FMN2: variants seen among roughly 807,000 people sequenced by gnomAD.
FMN2 encodes the protein formin 2, also known as formin-2.
FMN2 carries 51 observed loss-of-function variants against 142.3 expected under a neutral mutation model. The ratio of observed to expected loss-of-function variants is 0.36; its 90% CI spans 0.29 to 0.45. The LOEUF (loss-of-function observed/expected upper bound fraction) is 0.45, where lower values mean the gene tolerates loss of function less well. Among genes scored for constraint, FMN2 ranks in the 20% least tolerant of loss-of-function variants. FMN2 has a pLI of 1.00. For synonymous variants in FMN2, 882 were observed against 869.8 expected (o/e 1.01, Z -0.25); for missense variants, 1,936 against 2,122.8 (o/e 0.91, Z 1.73).
chr1:240,382,689 T>C (rs1673272342), intron 14 of FMN2, among the ~76,000 whole-genome samples: 1 of 151,946 alleles, frequency 6.6e-6, no homozygotes. Context: ...ACCATACTGT[T>C]CAAAGCAATC....
At chr1:240,183,771 A>G (rs771971781) in intron 3 of FMN2, among the ~76,000 whole-genome samples, 19 of 152,098 alleles carry the variant, frequency 1.2e-4, no homozygotes, top group Non-Finnish European at 2.1e-4. Flanking sequence ...AAGACATGGT[A>G]TATCAGAATT....
chr1:240,466,776 C>T (rs1363640480), intron 16 of FMN2, among the ~76,000 whole-genome samples: 3 of 152,080 alleles, frequency 2.0e-5, no homozygotes, highest in African/African-American at 4.8e-5. Context: ...AATGTGGAGC[C>T]GCGATTCCCT....
At chr1:240,134,440 A>G (rs1237091406) in intron 2 of FMN2, among the ~76,000 whole-genome samples, 1 of 152,050 alleles carries the variant, frequency 6.6e-6, no homozygotes, top group Admixed American at 6.6e-5. Context: ...CCTGGGCCAT[A>G]TAGGGAGACT....
At chr1:240,462,309 T>G (rs1676474133) in intron 16 of FMN2, among the ~76,000 whole-genome samples, 1 of 152,220 alleles carries the variant, frequency 6.6e-6, no homozygotes, top group Non-Finnish European at 1.5e-5. Flanking sequence ...TTGAAGACAT[T>G]AGTTCTTCTA....
intron 15 of FMN2, among the ~76,000 whole-genome samples, chr1:240,424,236 C>T (rs1572293015): frequency 2.0e-5 from 3 of 152,178 alleles, no homozygotes; most frequent in East Asian, 1.9e-4. Context: ...TCTGATTGTC[C>T]ATCTTTTATG....
At chr1:240,427,570 A>G (rs771031588) in intron 15 of FMN2, among the ~76,000 whole-genome samples, 20 of 152,204 alleles carry the variant, frequency 1.3e-4, no homozygotes, top group Non-Finnish European at 1.0e-4. Context: ...AACCATTATA[A>G]GTAGATGATA....
At chr1:240,344,995 T>C (rs539336643) in intron 13 of FMN2, among the ~76,000 whole-genome samples, 3 of 152,240 alleles carry the variant, frequency 2.0e-5, no homozygotes, top group Non-Finnish European at 4.4e-5. Flanking sequence ...ACATATGTGA[T>C]ACAAGTTTAC....
chr1:240,246,446 A>G (rs761280629), intron 6 of FMN2, among the ~76,000 whole-genome samples: 6 of 152,152 alleles, frequency 3.9e-5, no homozygotes, highest in Non-Finnish European at 5.9e-5. Flanking sequence ...CTGAATATCC[A>G]CTGCAGTCTT....
intron 13 of FMN2, among the ~76,000 whole-genome samples, chr1:240,352,255 C>T (rs534141749): frequency 2.6e-5 from 4 of 152,224 alleles, no homozygotes; most frequent in Middle Eastern, 3.4e-3. Context: ...TAGAGCAGTC[C>T]CTTGAATCAG....
At chr1:240,428,745 A>G (rs1218155114) in intron 15 of FMN2, among the ~76,000 whole-genome samples, 1 of 152,210 alleles carries the variant, frequency 6.6e-6, no homozygotes, top group African/African-American at 2.4e-5. Flanking sequence ...CAGCTTTTGT[A>G]GTGAGAACAC....
At chr1:240,121,127 C>T (rs1428646856) in intron 1 of FMN2, among the ~76,000 whole-genome samples, 4 of 150,864 alleles carry the variant, frequency 2.7e-5, no homozygotes, top group Non-Finnish European at 5.9e-5. Flanking sequence ...CGCCACTGCG[C>T]GGGTGACAGC....
intron 15 of FMN2, among the ~76,000 whole-genome samples, chr1:240,396,631 G>T (rs1167101370): frequency 1.3e-5 from 2 of 152,090 alleles, no homozygotes; most frequent in Non-Finnish European, 2.9e-5. Context: ...AGTAGCCCCA[G>T]TGTCTGCTGT....
chr1:240,261,131 A>G (rs1668611472), intron 7 of FMN2, among the ~76,000 whole-genome samples: 1 of 152,182 alleles, frequency 6.6e-6, no homozygotes, highest in South Asian at 2.1e-4. Flanking sequence ...TTATACCAGT[A>G]CCATGCTGTT....
chr1:240,300,972 A>T (rs1175779319), intron 8 of FMN2, among the ~76,000 whole-genome samples: 2 of 150,804 alleles, frequency 1.3e-5, no homozygotes, highest in African/African-American at 4.9e-5. Context: ...CATCTCTCAT[A>T]GACAGCATGC....
At chr1:240,200,444 C>T (rs1403184411) in intron 4 of FMN2, among the ~76,000 whole-genome samples, 2 of 152,138 alleles carry the variant, frequency 1.3e-5, no homozygotes, top group African/African-American at 4.8e-5. Flanking sequence ...CTGGTACTCT[C>T]TGAGAGCCAG....
At chr1:240,214,170 T>G (rs1023530178) in intron 6 of FMN2, among the ~76,000 whole-genome samples, 30 of 152,158 alleles carry the variant, frequency 2.0e-4, no homozygotes, top group African/African-American at 7.2e-4. Flanking sequence ...TTTGACATAG[T>G]TTTTCATAAC....
chr1:240,330,623 G>C lies in FMN2; in HGVS notation c.4458G>C (p.Gly1486=). Residue 1486 remains glycine, a synonymous_variant, in exon 11 of 18, where the codon GGG becomes GGC. Coordinates refer to ENST00000319653, the MANE Select transcript of FMN2 (RefSeq NM_020066.5). ...TACAGACATTAAAAAATGGCCCAGG[G>C]GTTATGCAGGTTCTAGGTTTGGTTC... ...KLCETLKNGP[G]VMQVLGLVLA... is the part of the protein sequence containing the mutation. 1 of 1,613,782 alleles carries C rather than the reference G, an allele frequency of 6.2e-7. No individual in the cohort carries two copies. Among genetic ancestry groups the C allele is most frequent in the Non-Finnish European group, 8.5e-7 (1 of 1,179,850 alleles).
chr1:240,287,052 A>G (rs1229124725), intron 7 of FMN2, among the ~76,000 whole-genome samples: 1 of 152,208 alleles, frequency 6.6e-6, no homozygotes, highest in Admixed American at 6.5e-5. Context: ...GATAACAAAT[A>G]CTGTCAGATA....
intron 15 of FMN2, among the ~76,000 whole-genome samples, chr1:240,434,258 A>G (rs1327445791): frequency 6.6e-6 from 1 of 152,160 alleles, no homozygotes; most frequent in Non-Finnish European, 1.5e-5. Flanking sequence ...GGAAGGTCCT[A>G]GGTAAGATGT....
Sources: gnomAD v4.1 joint callset for allele counts (sites outside exome capture counted in the v4.1 genomes callset) on GRCh38, gnomAD v4.1.1 for gene constraint, MANE v1.5 for transcripts, NCBI Gene and HGNC (gene_info 2026-07-23, HGNC 2026-07-21) for gene names.